Variants in AK8 observed in about 807,000 individuals in gnomAD.
The protein encoded by AK8 is ATP-AMP transphosphorylase 8.
AK8 carries 44 observed loss-of-function variants against 54.6 expected under a neutral mutation model. The ratio of observed to expected loss-of-function variants is 0.81; its 90% CI spans 0.63 to 1.04. The LOEUF is 1.04. Among genes scored for constraint, AK8 ranks in the 50% least tolerant of loss-of-function variants. The pLI is 0.00. For missense variants in AK8, 555 were observed against 613.6 expected (o/e 0.90, Z 1.01); for synonymous variants, 239 against 245.6 (o/e 0.97, Z 0.25).
chr9:132,872,897 C>T (rs983451556), intron 2 of AK8, among the ~76,000 whole-genome samples: 2 of 152,290 alleles, frequency 1.3e-5, no homozygotes, highest in East Asian at 1.9e-4. Flanking sequence ...TTGCAAGCTC[C>T]GCCTCCTGGG....
chr9:132,771,073 C>CA (rs1351123095), intron 11 of AK8, among the ~76,000 whole-genome samples: 1 of 152,190 alleles, frequency 6.6e-6, no homozygotes, highest in Non-Finnish European at 1.5e-5. Flanking sequence ...CGGCTCAGAG[C>CA]ACAGGAGTCC....
At chr9:132,758,616 A>AT (rs571985405) in intron 11 of AK8, among the ~76,000 whole-genome samples, 166 of 143,802 alleles carry the variant, frequency 1.2e-3, no homozygotes, top group Middle Eastern at 3.5e-3. Flanking sequence ...GGCCTGGCTA[A>AT]TTTTTTTTTT....
intron 11 of AK8, among the ~76,000 whole-genome samples, chr9:132,733,229 A>AG (rs1244528502): frequency 6.6e-6 from 1 of 152,136 alleles, no homozygotes; most frequent in Non-Finnish European, 1.5e-5. Flanking sequence ...ACTAAAAAAA[A>AG]AAAACATGCG....
chr9:132,765,292 C>CAAAAAAAAAAAAAAAAAAAAAAAAAAA, intron 11 of AK8, among the ~76,000 whole-genome samples: 1 of 62,810 alleles, frequency 1.6e-5, no homozygotes, highest in African/African-American at 6.7e-5. Flanking sequence ...GACTCCATTT[C>CAAAAAAAAAAAAAAAAAAAAAAAAAAA]AAAAAAAAAA....
chr9:132,843,377 C>A (rs1842619176), intron 5 of AK8, among the ~76,000 whole-genome samples: 1 of 152,178 alleles, frequency 6.6e-6, no homozygotes, highest in South Asian at 2.1e-4. Context: ...CTTCCTAAGG[C>A]CTTCCCAGAA....
intron 10 of AK8, among the ~76,000 whole-genome samples, chr9:132,804,656 T>G (rs1840633014): frequency 1.3e-5 from 2 of 152,112 alleles, no homozygotes; most frequent in South Asian, 2.1e-4. Flanking sequence ...CCATCTTGCT[T>G]CTTCTGTCGG....
At chr9:132,805,563 C>T (rs1840680862) in intron 10 of AK8, among the ~76,000 whole-genome samples, 1 of 152,152 alleles carries the variant, frequency 6.6e-6, no homozygotes, top group East Asian at 1.9e-4. Context: ...GGGGCTGCCT[C>T]CTGGCAAAGC....
intron 9 of AK8, among the ~76,000 whole-genome samples, chr9:132,815,125 T>TG (rs1190979203): frequency 6.6e-6 from 1 of 152,224 alleles, no homozygotes; most frequent in Non-Finnish European, 1.5e-5. Context: ...CTCTGGGCGA[T>TG]GTGCCTCAAG....
intron 10 of AK8, among the ~76,000 whole-genome samples, chr9:132,796,759 T>C: frequency 6.9e-6 from 1 of 145,556 alleles, no homozygotes; most frequent in East Asian, 2.0e-4. Context: ...TATATACACA[T>C]ACATACATGC....
chr9:132,852,284 G>A (rs1440153062), intron 5 of AK8, among the ~76,000 whole-genome samples: 2 of 152,138 alleles, frequency 1.3e-5, no homozygotes, highest in Non-Finnish European at 2.9e-5. Context: ...GTCCAGCCTG[G>A]CCAACATGGT....
At chr9:132,735,889 T>C (rs553217869) in intron 11 of AK8, among the ~76,000 whole-genome samples, 4 of 152,250 alleles carry the variant, frequency 2.6e-5, no homozygotes, top group Non-Finnish European at 5.9e-5. Context: ...AGGGACACGT[T>C]CTGAGAAATG....
intron 11 of AK8, among the ~76,000 whole-genome samples, chr9:132,756,615 C>T (rs1290909457): frequency 6.6e-6 from 1 of 152,192 alleles, no homozygotes; most frequent in Non-Finnish European, 1.5e-5. Flanking sequence ...CTGAAGCACC[C>T]TCTCACGGGA....
intron 11 of AK8, among the ~76,000 whole-genome samples, chr9:132,745,706 G>C (rs1374709713): frequency 1.3e-5 from 2 of 152,118 alleles, no homozygotes; most frequent in African/African-American, 4.8e-5. Flanking sequence ...CACACCCTGT[G>C]TGCCCTCGAA....
At chr9:132,736,875 T>C (rs1297141832) in intron 11 of AK8, among the ~76,000 whole-genome samples, 2 of 151,174 alleles carry the variant, frequency 1.3e-5, no homozygotes, top group East Asian at 3.9e-4. Flanking sequence ...ATAAGACAGA[T>C]ACAAAAGGAC....
At chr9:132,796,981 G>A (rs1203654871) in intron 10 of AK8, among the ~76,000 whole-genome samples, 4 of 152,108 alleles carry the variant, frequency 2.6e-5, no homozygotes, top group Non-Finnish European at 4.4e-5. Context: ...TGGGGATGTC[G>A]GAGGCAGGGA....
At position 132,823,297 on chromosome 9, in the gene AK8, G is replaced by A. The variant is rs775251005; in HGVS notation, c.797C>T (p.Pro266Leu). Residue 266 changes from proline (P) to leucine (L), a missense_variant, in exon 9 of 13, where the codon CCG becomes CTG. Physicochemically the swap from Pro to Leu is moderately conservative, Grantham distance 98. Coordinates refer to ENST00000298545, the MANE Select transcript of AK8 (RefSeq NM_152572.3). ...GAGCAGCAGCACCCTCGGGGTGAAC[G>A]GGGCATTAGTACGATGGTTGCTTTG... ...YVQSNHRTNA[P>L]FTPRVLLLGP... 26 of 1,613,624 alleles carry A rather than the reference G, an allele frequency of 1.6e-5. No homozygotes were observed. Among genetic ancestry groups the A allele is most frequent in the South Asian group, 4.4e-5 (4 of 91,056 alleles).
chr9:132,834,572 C>T (rs1842240216), intron 5 of AK8, among the ~76,000 whole-genome samples: 1 of 152,178 alleles, frequency 6.6e-6, no homozygotes, highest in Non-Finnish European at 1.5e-5. Flanking sequence ...AACCCGTTAC[C>T]CCTTAACTTG....
chr9:132,845,043 T>A (rs2131355953), intron 5 of AK8, among the ~76,000 whole-genome samples: 1 of 152,302 alleles, frequency 6.6e-6, no homozygotes. Context: ...CTCCGCAAGG[T>A]TGCTGTAAGG....
intron 10 of AK8, among the ~76,000 whole-genome samples, chr9:132,796,039 G>A (rs1284595609): frequency 1.3e-5 from 2 of 152,180 alleles, no homozygotes; most frequent in African/African-American, 4.8e-5. Context: ...AGCTTTCTGA[G>A]GGCCTGGAAG....
Sources: gnomAD v4.1 joint callset for allele counts (sites outside exome capture counted in the v4.1 genomes callset) on GRCh38, gnomAD v4.1.1 for gene constraint, MANE v1.5 for transcripts, NCBI Gene and HGNC (gene_info 2026-07-23, HGNC 2026-07-21) for gene names.